Variants in LRP1B observed in about 807,000 individuals in gnomAD.
The protein encoded by LRP1B is low-density lipoprotein receptor-related protein 1B.
Under a neutral mutation model 556.6 loss-of-function variants are expected in LRP1B, and 217 were observed. That is an observed-to-expected ratio of 0.39 (90% CI 0.35 to 0.44). The LOEUF (loss-of-function observed/expected upper bound fraction) is 0.44. Ranked by LOEUF, LRP1B falls within the 20% of genes least tolerant of loss-of-function variation. The pLI is 1.00. For synonymous variants in LRP1B, 2,047 were observed against 1,865.8 expected (o/e 1.10, Z -2.50); for missense variants, 5,053 against 5,620.8 (o/e 0.90, Z 3.23).
intron 2 of LRP1B, among the ~76,000 whole-genome samples, chr2:141,665,302 T>C (rs1690383874): frequency 6.6e-6 from 1 of 152,054 alleles, no homozygotes; most frequent in Non-Finnish European, 1.5e-5. Context: ...AAAGAAGACA[T>C]ACATGCAGCC....
At chr2:141,803,207 G>T (rs1218763375) in intron 2 of LRP1B, among the ~76,000 whole-genome samples, 2 of 145,464 alleles carry the variant, frequency 1.4e-5, no homozygotes, top group Non-Finnish European at 3.0e-5. Context: ...ACCTATGCCT[G>T]CAATCGACCT....
At chr2:141,361,543 A>C (rs1442425084) in intron 3 of LRP1B, among the ~76,000 whole-genome samples, 1 of 152,252 alleles carries the variant, frequency 6.6e-6, no homozygotes, top group Non-Finnish European at 1.5e-5. Context: ...CCTAAAGATT[A>C]GAAATACTCG....
chr2:141,644,713 G>A (rs1183456753), intron 2 of LRP1B, among the ~76,000 whole-genome samples: 6 of 146,674 alleles, frequency 4.1e-5, no homozygotes, highest in African/African-American at 7.6e-5. Context: ...TCAGTTGTCT[G>A]ATAAGCAGTC....
In LRP1B at chr2:140,526,356, A is replaced by C. The variant is rs772383587; in HGVS notation, c.7763-6T>G. 6.4e-7 allele frequency: 1 copy of C among 1,562,792 alleles called. No individual in the cohort carries two copies. Among genetic ancestry groups the C allele is most frequent in the Non-Finnish European group, 8.8e-7 (1 of 1,134,120 alleles). On this transcript the variant is annotated splice_polypyrimidine_tract_variant and splice_region_variant and intron_variant, in intron 47 of 90. Transcript: ENST00000389484. ...AACCGTGGCACAGGTTGAAACTAGA[A>C]AAACAGGTACATAAACAAATGCAAA...
chr2:141,283,455 G>T (rs1685582364), intron 3 of LRP1B, among the ~76,000 whole-genome samples: 1 of 151,904 alleles, frequency 6.6e-6, no homozygotes, highest in African/African-American at 2.4e-5. Flanking sequence ...AGGTGGGAAA[G>T]GCTACAGAAG....
intron 25 of LRP1B, among the ~76,000 whole-genome samples, chr2:140,875,182 C>G (rs1693267201): frequency 6.6e-6 from 1 of 152,128 alleles, no homozygotes; most frequent in Non-Finnish European, 1.5e-5. Context: ...AGCCCAGGAA[C>G]TATCACAGAA....
chr2:141,851,550 C>A (rs1199552674), intron 1 of LRP1B, among the ~76,000 whole-genome samples: 1 of 151,742 alleles, frequency 6.6e-6, no homozygotes, highest in African/African-American at 2.4e-5. Context: ...GAATAAAATG[C>A]ATTAGCAATG....
At chr2:141,486,169 C>G (rs1415139196) in intron 2 of LRP1B, among the ~76,000 whole-genome samples, 1 of 152,054 alleles carries the variant, frequency 6.6e-6, no homozygotes, top group Non-Finnish European at 1.5e-5. Context: ...AATGTAATAA[C>G]TTAAAAAGAA....
intron 3 of LRP1B, among the ~76,000 whole-genome samples, chr2:141,283,675 A>G (rs1445257865): frequency 7.1e-6 from 1 of 141,740 alleles, no homozygotes; most frequent in Non-Finnish European, 1.5e-5. Context: ...GGCTCACTGC[A>G]ACCTCCACCA....
chr2:142,055,811 GTA>G (rs1408407732), intron 1 of LRP1B, among the ~76,000 whole-genome samples: 3 of 152,150 alleles, frequency 2.0e-5, no homozygotes, highest in Non-Finnish European at 4.4e-5. Flanking sequence ...CTAAAAATTT[GTA>G]TATGAGTGTC....
intron 1 of LRP1B, among the ~76,000 whole-genome samples, chr2:142,062,150 G>A (rs1301168136): frequency 1.3e-5 from 2 of 151,836 alleles, no homozygotes; most frequent in Non-Finnish European, 2.9e-5. Context: ...AATGCCCCCA[G>A]CCAACTAGCA....
At chr2:141,636,409 T>G (rs1689110378) in intron 2 of LRP1B, among the ~76,000 whole-genome samples, 1 of 152,070 alleles carries the variant, frequency 6.6e-6, no homozygotes, top group Non-Finnish European at 1.5e-5. Context: ...AAAATGCACA[T>G]GAAAATGAGA....
chr2:140,999,075 G>A (rs1457939499), intron 15 of LRP1B, among the ~76,000 whole-genome samples: 1 of 151,900 alleles, frequency 6.6e-6, no homozygotes, highest in African/African-American at 2.4e-5. Context: ...TGCAAACTAA[G>A]GCTAACATAT....
intron 2 of LRP1B, among the ~76,000 whole-genome samples, chr2:141,741,159 A>G (rs952469973): frequency 1.3e-5 from 2 of 151,010 alleles, no homozygotes; most frequent in Non-Finnish European, 2.9e-5. Context: ...TTCTTTATCA[A>G]CTCATCTGTT....
chr2:141,542,481 T>C (rs1036429752), intron 2 of LRP1B, among the ~76,000 whole-genome samples: 1 of 152,044 alleles, frequency 6.6e-6, no homozygotes, highest in African/African-American at 2.4e-5. Flanking sequence ...TTTAAGCAAA[T>C]TAATACCATG....
chr2:141,219,393 TC>T (rs1438235380), intron 6 of LRP1B, among the ~76,000 whole-genome samples: 3 of 152,206 alleles, frequency 2.0e-5, no homozygotes, highest in Admixed American at 2.0e-4. Context: ...GGGCAGGGCC[TC>T]CCTGCAGGAA....
chr2:141,143,307 G>T (rs1701704141), intron 7 of LRP1B, among the ~76,000 whole-genome samples: 1 of 152,048 alleles, frequency 6.6e-6, no homozygotes, highest in Non-Finnish European at 1.5e-5. Context: ...TCCTGTTTAT[G>T]TAGGGATAGC....
intron 3 of LRP1B, among the ~76,000 whole-genome samples, chr2:141,425,765 T>A (rs914037282): frequency 3.3e-5 from 5 of 151,938 alleles, no homozygotes; most frequent in African/African-American, 9.7e-5. Flanking sequence ...TTTGATGGAG[T>A]TGTTTGTTTT....
chr2:141,604,801 G>A (rs889770867), intron 2 of LRP1B, among the ~76,000 whole-genome samples: 1 of 152,088 alleles, frequency 6.6e-6, no homozygotes, highest in African/African-American at 2.4e-5. Context: ...CTTCTCCACT[G>A]AAAGCTGTTC....
Sources: gnomAD v4.1 joint callset for allele counts (sites outside exome capture counted in the v4.1 genomes callset) on GRCh38, gnomAD v4.1.1 for gene constraint, MANE v1.5 for transcripts, NCBI Gene and HGNC (gene_info 2026-07-23, HGNC 2026-07-21) for gene names.